RAP1GDS1: variants seen among roughly 807,000 people sequenced by gnomAD.
The protein encoded by RAP1GDS1 is RAP1, GTP-GDP dissociation stimulator 1.
In RAP1GDS1, 35 loss-of-function variants were observed where a neutral mutation model predicts 71.1. The observed-to-expected ratio is 0.49, with a 90% confidence interval of 0.38 to 0.65. The LOEUF is 0.65. Ranked by LOEUF, RAP1GDS1 falls within the 30% of genes least tolerant of loss-of-function variation. The pLI, the probability that RAP1GDS1 is intolerant of heterozygous loss-of-function variation, is 0.00. For missense variants in RAP1GDS1, 663 were observed against 706.1 expected (o/e 0.94, Z 0.69); for synonymous variants, 229 against 243.1 (o/e 0.94, Z 0.54).
chr4:98,409,370 C>CA (rs1334776856), intron 7 of RAP1GDS1: 1 of 153,274 alleles, frequency 6.5e-6, no homozygotes. Flanking sequence ...TTCCTTTAGC[C>CA]ACATACATTC....
At chr4:98,404,004 G>A (rs535570341) in intron 6 of RAP1GDS1, among the ~76,000 whole-genome samples, 2 of 152,250 alleles carry the variant, frequency 1.3e-5, no homozygotes, top group Admixed American at 1.3e-4. Context: ...GCTGATCAAT[G>A]GTGAGGCTCT....
intron 2 of RAP1GDS1, among the ~76,000 whole-genome samples, chr4:98,313,567 G>C (rs528623642): frequency 6.6e-6 from 1 of 152,280 alleles, no homozygotes; most frequent in East Asian, 1.9e-4. Flanking sequence ...AGTTGGGCCT[G>C]GTGTGGTAGC....
At chr4:98,371,560 T>C (rs1740390396) in intron 4 of RAP1GDS1, among the ~76,000 whole-genome samples, 1 of 152,096 alleles carries the variant, frequency 6.6e-6, no homozygotes, top group Admixed American at 6.6e-5. Flanking sequence ...CACTGCAACC[T>C]CTACCTCCCA....
intron 6 of RAP1GDS1, among the ~76,000 whole-genome samples, chr4:98,395,299 CATT>C (rs1330879028): frequency 6.6e-6 from 1 of 152,124 alleles, no homozygotes; most frequent in Admixed American, 6.6e-5. Flanking sequence ...TTTTAAAAGT[CATT>C]AGGCAATTAA....
chr4:98,355,529 G>A (rs1310381985), intron 4 of RAP1GDS1, among the ~76,000 whole-genome samples: 1 of 152,086 alleles, frequency 6.6e-6, no homozygotes, highest in Non-Finnish European at 1.5e-5. Flanking sequence ...CGGCCTGTTG[G>A]CTAAGATCAA....
intron 7 of RAP1GDS1, among the ~76,000 whole-genome samples, chr4:98,414,770 T>G (rs13140443): frequency 3.8e-4 from 58 of 152,192 alleles, no homozygotes; most frequent in Admixed American, 5.9e-4. Flanking sequence ...TTGGTAGCTT[T>G]ATGGGGATGG....
chr4:98,292,347 C>T (rs561956267), intron 1 of RAP1GDS1, among the ~76,000 whole-genome samples: 18 of 151,630 alleles, frequency 1.2e-4, no homozygotes, highest in Admixed American at 1.1e-3. Flanking sequence ...TTGCCCGGGC[C>T]GGTATCAAAC....
At chr4:98,371,115 CTTT>C (rs1032888957) in intron 4 of RAP1GDS1, among the ~76,000 whole-genome samples, 8 of 135,780 alleles carry the variant, frequency 5.9e-5, no homozygotes, top group Admixed American at 1.5e-4. Context: ...ATTGTTATAT[CTTT>C]TTTTTTTTTT....
intron 4 of RAP1GDS1, among the ~76,000 whole-genome samples, chr4:98,355,909 G>A (rs972400942): frequency 3.3e-5 from 5 of 152,274 alleles, no homozygotes; most frequent in Admixed American, 3.3e-4. Context: ...TGCATATAGA[G>A]ATGAAAGAAT....
chr4:98,375,967 T>C (rs1180213985), intron 4 of RAP1GDS1, among the ~76,000 whole-genome samples: 1 of 152,116 alleles, frequency 6.6e-6, no homozygotes, highest in African/African-American at 2.4e-5. Flanking sequence ...TTTTTTCTCA[T>C]TTGTGAGACA....
intron 6 of RAP1GDS1, among the ~76,000 whole-genome samples, chr4:98,393,543 C>T (rs748909793): frequency 7.2e-5 from 11 of 152,220 alleles, no homozygotes; most frequent in African/African-American, 9.6e-5. Context: ...TGTTATAATC[C>T]GATACTGAAA....
chr4:98,406,463 T>A (rs1403153924), intron 7 of RAP1GDS1, among the ~76,000 whole-genome samples: 2 of 151,888 alleles, frequency 1.3e-5, no homozygotes, highest in Non-Finnish European at 2.9e-5. Flanking sequence ...ACTTTAGTAA[T>A]AAAAGGTCCA....
intron 14 of RAP1GDS1, chr4:98,441,463 G>C (rs1397248226): frequency 1.0e-6 from 1 of 985,144 alleles, no homozygotes; most frequent in Non-Finnish European, 1.2e-6. Flanking sequence ...AAGCTTTTTG[G>C]TAAGTCATTG....
At chr4:98,372,642 T>C (rs1003422466) in intron 4 of RAP1GDS1, among the ~76,000 whole-genome samples, 2 of 152,246 alleles carry the variant, frequency 1.3e-5, no homozygotes, top group African/African-American at 4.8e-5. Flanking sequence ...CTGTTTTCTA[T>C]TTCATTTTTA....
At chr4:98,265,230 A>G (rs1360174641) in intron 1 of RAP1GDS1, among the ~76,000 whole-genome samples, 3 of 152,200 alleles carry the variant, frequency 2.0e-5, no homozygotes, top group African/African-American at 4.8e-5. Flanking sequence ...AATAGGATTT[A>G]CTTGGCAACC....
rs552921232 is a variant in RAP1GDS1 at position 98,353,816 on chromosome 4, T to C, written c.361+1215T>C. Reference sequence around the variant, plus strand: ...TTTACAAAATTCTGTTGCTTTATGTTTATAATTTTGTGTTTTCATATTTAG... The same window carrying C: ...TTTACAAAATTCTGTTGCTTTATGTCTATAATTTTGTGTTTTCATATTTAG... On this transcript the variant is annotated intron_variant, in intron 4 of 14. Transcript: ENST00000408927. Among the ~76,000 whole-genome samples, 22 of 152,270 alleles carry C rather than the reference T, an allele frequency of 1.4e-4. 2 individuals carry two copies. The South Asian group carries it at 2.3e-3, about 16-fold the overall frequency.
chr4:98,435,187 A>G (rs949637220), intron 13 of RAP1GDS1, among the ~76,000 whole-genome samples: 11 of 151,080 alleles, frequency 7.3e-5, no homozygotes, highest in African/African-American at 2.4e-4. Context: ...CCCACTGACA[A>G]CTTAGATCCA....
intron 1 of RAP1GDS1, among the ~76,000 whole-genome samples, chr4:98,282,481 CTA>C (rs1725271601): frequency 6.6e-6 from 1 of 151,796 alleles, no homozygotes; most frequent in African/African-American, 2.4e-5. Flanking sequence ...TTTAATGTGT[CTA>C]TTTGATTCTG....
chr4:98,437,666 G>A (rs181861745), intron 14 of RAP1GDS1, among the ~76,000 whole-genome samples: 14 of 151,910 alleles, frequency 9.2e-5, no homozygotes, highest in African/African-American at 3.1e-4. Flanking sequence ...GGTGGCACAC[G>A]CCTGTAGTCC....
Sources: gnomAD v4.1 joint callset for allele counts (sites outside exome capture counted in the v4.1 genomes callset) on GRCh38, gnomAD v4.1.1 for gene constraint, MANE v1.5 for transcripts, NCBI Gene and HGNC (gene_info 2026-07-23, HGNC 2026-07-21) for gene names.